The following HDAC9 variants were observed in gnomAD, a reference collection of about 807,000 sequenced individuals.
The protein encoded by HDAC9 is histone deacetylase 9.
In HDAC9, 41 loss-of-function variants were observed where a neutral mutation model predicts 139.4. The observed-to-expected ratio is 0.29, with a 90% CI of 0.23 to 0.38. The LOEUF (loss-of-function observed/expected upper bound fraction) is 0.38. HDAC9 is among the 10% of genes least tolerant of loss of function. The probability of loss-of-function intolerance (pLI) is 1.00; values close to 1 mark genes in which losing one functional copy is unlikely to be tolerated. For missense variants in HDAC9, 1,147 were observed against 1,297.0 expected (o/e 0.88, Z 1.78); for synonymous variants, 517 against 476.2 (o/e 1.09, Z -1.12).
At chr7:18,406,161 T>C (rs1787984406) in intron 1 of HDAC9, among the ~76,000 whole-genome samples, 1 of 152,228 alleles carries the variant, frequency 6.6e-6, no homozygotes, top group African/African-American at 2.4e-5. Flanking sequence ...AGTGTATCAT[T>C]TTGGTTTATA....
At chr7:18,134,624 C>G (rs948484796) in intron 1 of HDAC9, among the ~76,000 whole-genome samples, 1 of 152,168 alleles carries the variant, frequency 6.6e-6, no homozygotes, top group Non-Finnish European at 1.5e-5. Flanking sequence ...AACATTATTA[C>G]TCATTCTTAA....
At chr7:18,632,252 A>G (rs1397128805) in intron 7 of HDAC9, among the ~76,000 whole-genome samples, 1 of 152,074 alleles carries the variant, frequency 6.6e-6, no homozygotes, top group Non-Finnish European at 1.5e-5. Context: ...ACAGAAAGGC[A>G]GTGAGCAAAA....
At chr7:18,973,586 T>C (rs1200320302) in intron 24 of HDAC9, among the ~76,000 whole-genome samples, 2 of 152,044 alleles carry the variant, frequency 1.3e-5, no homozygotes, top group East Asian at 3.9e-4. Flanking sequence ...TGTTCCTTCG[T>C]GAAACAGTAA....
rs144390387 is a variant in HDAC9, at chr7:18,674,916, A to G, written c.1731+8440A>G. On this transcript the variant is annotated intron_variant, in intron 12 of 25. Coordinates refer to ENST00000686413, the MANE Select transcript of HDAC9 (RefSeq NM_178425.4). Reference sequence around the variant, plus strand: ...CAGTACTCACACCATATTAATTTTTATAATTTATATTTGTATATGAATTAT... The same window carrying G: ...CAGTACTCACACCATATTAATTTTTGTAATTTATATTTGTATATGAATTAT... Among the ~76,000 whole-genome samples, 593 of 152,122 alleles carry G rather than the reference A, an allele frequency of 3.9e-3. 3 individuals carry two copies. Among genetic ancestry groups the G allele is most frequent in the Middle Eastern group, 0.02 (6 of 294 alleles).
At chr7:18,821,256 A>C (rs571023597) in intron 17 of HDAC9, among the ~76,000 whole-genome samples, 5 of 152,318 alleles carry the variant, frequency 3.3e-5, no homozygotes, top group Admixed American at 3.3e-4. Context: ...ATTGACCCTT[A>C]AGTTTCAACA....
chr7:18,627,207 A>C (rs956192855), intron 6 of HDAC9, among the ~76,000 whole-genome samples: 1 of 152,168 alleles, frequency 6.6e-6, no homozygotes, highest in Non-Finnish European at 1.5e-5. Flanking sequence ...CCTCAATGAA[A>C]ATGCATGGTC....
chr7:18,648,672 C>T lies in HDAC9; in HGVS notation c.1456C>T (p.His486Tyr), dbSNP rs187492539. Residue 486 changes from histidine to tyrosine, a missense_variant, in exon 11 of 26, where the codon CAC becomes TAC. Transcript: ENST00000686413. ...GCAGAAGCAATACCAGCAGCAGATC[C>T]ACATGAACAAAGTAAGCCTCCAAGC... ...EKQKQYQQQI[H>Y]MNKLLSKSIE... is the part of the protein sequence containing the mutation. The T allele has an allele frequency of 6.2e-7, 1 of 1,611,658 alleles. No homozygotes were observed. Among genetic ancestry groups the T allele is most frequent in the East Asian group, 2.2e-5 (1 of 44,532 alleles).
chr7:18,857,335 TTGTGTGTGTG>T (rs375575248), intron 21 of HDAC9, among the ~76,000 whole-genome samples: 3 of 140,982 alleles, frequency 2.1e-5, no homozygotes, highest in African/African-American at 5.4e-5. Flanking sequence ...TATGTTTTAG[TTGTGTGTGTG>T]TGTGTGTGTG....
upstream of HDAC9, among the ~76,000 whole-genome samples, chr7:18,492,580 C>T (rs888118617): frequency 3.7e-4 from 56 of 151,860 alleles, no homozygotes; most frequent in African/African-American, 1.3e-3. Context: ...GATTAGTTTG[C>T]AATAAATGCT....
intron 21 of HDAC9, among the ~76,000 whole-genome samples, chr7:18,850,377 G>A (rs756853): frequency 0.55 from 84,154 of 151,974 alleles, 23,324 homozygotes; most frequent in Non-Finnish European, 0.58. Context: ...TGTTCGAGGA[G>A]AGGCAGAAGT....
At chr7:18,884,263 A>G (rs916699153) in intron 22 of HDAC9, among the ~76,000 whole-genome samples, 1 of 152,172 alleles carries the variant, frequency 6.6e-6, no homozygotes, top group African/African-American at 2.4e-5. Context: ...AAAAAACACA[A>G]AGCTGGAGGT....
At chr7:18,879,766 A>G (rs939100336) in intron 22 of HDAC9, among the ~76,000 whole-genome samples, 1 of 152,116 alleles carries the variant, frequency 6.6e-6, no homozygotes, top group African/African-American at 2.4e-5. Context: ...AGATTTTATG[A>G]CAAAGACACA....
Position 18,333,086 on chromosome 7 carries a change from A to G in HDAC9, c.-42+42571A>G, listed in dbSNP as rs651351. ...CTTTATACTGTATTCTCTGATCACA[A>G]TGTAATAAAGCAGAAATTAGTAAGA... On this transcript the variant is annotated intron_variant, in intron 1 of 3. Transcript: ENST00000413509. Among the ~76,000 whole-genome samples the G allele has an allele frequency of 7.8e-3, 1,184 of 151,680 alleles. 9 individuals are homozygous for G. Among genetic ancestry groups the G allele is most frequent in the Middle Eastern group, 0.017 (5 of 294 alleles).
intron 25 of HDAC9, among the ~76,000 whole-genome samples, chr7:18,991,487 A>T (rs952396753): frequency 3.9e-5 from 6 of 152,106 alleles, no homozygotes; most frequent in African/African-American, 1.4e-4. Context: ...AATACAAAAA[A>T]TTAGCCAGGT....
At chr7:18,915,718 T>C (rs1276645361) in intron 22 of HDAC9, among the ~76,000 whole-genome samples, 1 of 151,444 alleles carries the variant, frequency 6.6e-6, no homozygotes, top group Non-Finnish European at 1.5e-5. Flanking sequence ...TCAGAGCTGA[T>C]GTCTGACAGC....
chr7:18,180,181 G>A (rs369244213), intron 2 of HDAC9, among the ~76,000 whole-genome samples: 254 of 149,610 alleles, frequency 1.7e-3, no homozygotes, highest in African/African-American at 6.1e-3. Flanking sequence ...TTTTTACACT[G>A]TTTGTCATGC....
At chr7:18,887,606 T>C (rs1261662519) in intron 22 of HDAC9, among the ~76,000 whole-genome samples, 2 of 152,110 alleles carry the variant, frequency 1.3e-5, no homozygotes, top group African/African-American at 2.4e-5. Context: ...ATAAATGATA[T>C]CATCCCCACG....
rs113687910 is a variant in HDAC9 at position 18,476,741 on chromosome 7, A to G, written c.-41-19521A>G. 8.6e-3 allele frequency among the ~76,000 whole-genome samples: 1,312 copies of G among 152,244 alleles called. 18 individuals are homozygous for G. The highest frequency in any genetic ancestry group is 0.03 in the African/African-American group (1,234 of 41,538). On this transcript the variant is annotated intron_variant, in intron 1 of 3. Coordinates refer to the HDAC9 transcript ENST00000413509. Reference sequence around the variant, plus strand: ...TAGAAGGCAATAAACTTATCTGTATATCTCTGTTTCAATTTTTTCTTCGTT... The same window carrying G: ...TAGAAGGCAATAAACTTATCTGTATGTCTCTGTTTCAATTTTTTCTTCGTT...
Position 18,874,589 on chromosome 7 carries a change from G to A in HDAC9, c.2796G>A (p.Thr932=), listed in dbSNP as rs758260782. 4.9e-5 allele frequency: 77 copies of A among 1,570,934 alleles called. 1 individual carries two copies. The highest frequency in any genetic ancestry group is 9.4e-5 in the African/African-American group (7 of 74,114). Residue 932 remains threonine, a synonymous_variant, in exon 22 of 26, where the codon ACG becomes ACA. Coordinates refer to ENST00000686413, the MANE Select transcript of HDAC9 (RefSeq NM_178425.4). ...HTPPLGGYKV[T]AKCFGHLTKQ... is the part of the protein sequence containing the mutation. Reference sequence around the variant, plus strand: ...CTCCTCTAGGAGGGTACAAAGTGACGGCAAAATGTAAGTACCTCTTTCAGG... The same window carrying A: ...CTCCTCTAGGAGGGTACAAAGTGACAGCAAAATGTAAGTACCTCTTTCAGG...
Sources: gnomAD v4.1 joint callset for allele counts (sites outside exome capture counted in the v4.1 genomes callset) on GRCh38, gnomAD v4.1.1 for gene constraint, MANE v1.5 for transcripts, NCBI Gene and HGNC (gene_info 2026-07-23, HGNC 2026-07-21) for gene names.